The following FLI1 variants were observed in gnomAD, a reference collection of about 807,000 sequenced individuals.
The protein encoded by FLI1 is Friend leukemia integration 1 transcription factor.
In FLI1, 13 loss-of-function variants were observed where a neutral mutation model predicts 53.1. The observed-to-expected ratio is 0.24, with a 90% CI of 0.16 to 0.39. The LOEUF (loss-of-function observed/expected upper bound fraction) is 0.39. Ranked by LOEUF, FLI1 falls within the 10% of genes least tolerant of loss-of-function variation. FLI1 has a pLI of 1.00. For missense variants in FLI1, 424 were observed against 600.5 expected, an observed-to-expected ratio of 0.71 and a Z score of 3.07; for synonymous variants, 244 against 236.7, an observed-to-expected ratio of 1.03 and a Z score of -0.28.
At position 128,812,379 on chromosome 11, in the gene FLI1, G is replaced by A; in HGVS notation, c.*1391G>A. 3 of 222,948 alleles carry A rather than the reference G, an allele frequency of 1.3e-5. No homozygotes were observed. Among genetic ancestry groups the A allele is most frequent in the Non-Finnish European group, 2.7e-5 (3 of 111,550 alleles). The allele number at this position is 222,948 out of a possible 1,614,324, so 13.8% of individuals were successfully genotyped here. ...GACAACTGTCAAAGAAGACCATGTT[G>A]TAAAATAATTTGACTAAATAAATGG... On this transcript the variant is annotated 3_prime_UTR_variant, in exon 9 of 9. Coordinates refer to ENST00000527786, the MANE Select transcript of FLI1 (RefSeq NM_002017.5).
chr11:128,724,208 G>A (rs1196687074), intron 1 of FLI1, among the ~76,000 whole-genome samples: 1 of 152,168 alleles, frequency 6.6e-6, no homozygotes, highest in Non-Finnish European at 1.5e-5. Flanking sequence ...GCCTCCCAAA[G>A]TGCTGGGATT....
chr11:128,694,183 C>T lies in FLI1; in HGVS notation c.-76C>T. The T allele has an allele frequency of 2.0e-6, 3 of 1,482,064 alleles. No homozygotes were observed. The highest frequency in any genetic ancestry group is 1.3e-5 in the South Asian group (1 of 75,216). 91.8% of individuals were successfully genotyped at this position (1,482,064 alleles called of 1,614,324 possible). The stretch of plus-strand genomic sequence containing the variant: ...CCAGGGAGGCCGCGCCGGGCTAATC[C>T]GAAGGGGCTGCGAGGTCAGGCTGTA... On this transcript the variant is annotated 5_prime_UTR_variant, in exon 1 of 9. Transcript: ENST00000527786.
chr11:128,745,794 C>T (rs550275701), intron 1 of FLI1, among the ~76,000 whole-genome samples: 210 of 152,306 alleles, frequency 1.4e-3, no homozygotes, highest in African/African-American at 4.9e-3. Flanking sequence ...ATTTTGCCTT[C>T]GTCCCCCTGC....
At chr11:128,792,529 A>C (rs1157301598) in intron 5 of FLI1, among the ~76,000 whole-genome samples, 3 of 152,156 alleles carry the variant, frequency 2.0e-5, no homozygotes, top group South Asian at 2.1e-4. Flanking sequence ...TTATCAGTCA[A>C]ATTCTTTCTT....
intron 2 of FLI1, among the ~76,000 whole-genome samples, chr11:128,765,610 G>A (rs978632062): frequency 6.6e-6 from 1 of 152,234 alleles, no homozygotes; most frequent in Non-Finnish European, 1.5e-5. Flanking sequence ...CAAGGGAAGA[G>A]CGTGCAGTGT....
At chr11:128,744,779 G>T (rs1487494573) in intron 1 of FLI1, among the ~76,000 whole-genome samples, 1 of 152,188 alleles carries the variant, frequency 6.6e-6, no homozygotes, top group Non-Finnish European at 1.5e-5. Context: ...AAAGCACAAA[G>T]AAAATTATCG....
At chr11:128,754,235 A>ATGTGTGTGTGTGTG (rs57171401) in intron 1 of FLI1, among the ~76,000 whole-genome samples, 32 of 145,784 alleles carry the variant, frequency 2.2e-4, no homozygotes, top group African/African-American at 8.0e-4. Context: ...TAGAAGGGGG[A>ATGTGTGTGTGTGTG]TGTGTGTGTG....
At chr11:128,755,707 T>C (rs1167399852) in intron 1 of FLI1, among the ~76,000 whole-genome samples, 1 of 152,194 alleles carries the variant, frequency 6.6e-6, no homozygotes, top group Non-Finnish European at 1.5e-5. Flanking sequence ...CTCAAGGGCA[T>C]CTGGTAGAAA....
At chr11:128,768,458 A>T in intron 3 of FLI1, 186 bp downstream of exon 3, 1 of 642,454 alleles carries the variant, frequency 1.6e-6, no homozygotes, top group Non-Finnish European at 2.7e-6. Flanking sequence ...AAGACGGGTG[A>T]ATCACTTGTC....
rs34412702 is a variant in FLI1 at position 128,784,857 on chromosome 11, C to CTGTGTG, written c.655+2850_655+2855dup. Among the ~76,000 whole-genome samples, 146 of 150,792 alleles carry CTGTGTG rather than the reference C, an allele frequency of 9.7e-4. 1 individual carries two copies. Among genetic ancestry groups the CTGTGTG allele is most frequent in the African/African-American group, 3.3e-3 (138 of 41,200 alleles). ...CCAGAGTTCATCAAGAGCACCAGAGCTGTGTGTGTGTGTGTGTGTGTCTGT... is the reference window on the plus strand; with the variant it reads ...CCAGAGTTCATCAAGAGCACCAGAGCTGTGTGTGTGTGTGTGTGTGTGTGTGTCTGT... On this transcript the variant is annotated intron_variant, in intron 5 of 8. Transcript: ENST00000527786.
chr11:128,804,882 A>G (rs1942735084), intron 5 of FLI1: 1 of 152,372 alleles, frequency 6.6e-6, no homozygotes, highest in African/African-American at 2.4e-5. Context: ...GAGCTGCTTG[A>G]AGGATTTTGC....
In FLI1 at chr11:128,727,965, A is replaced by G. The variant is rs190226125; in HGVS notation, c.19-30150A>G. ...TCTTCTCTGTCCCACACCGGCCAGA[A>G]GTAAAGCTTCCCTCCCTGACCCACT... On this transcript the variant is annotated intron_variant, in intron 1 of 8. Transcript: ENST00000527786. Among the ~76,000 whole-genome samples, 631 of 152,346 alleles carry G rather than the reference A, an allele frequency of 4.1e-3. 2 individuals are homozygous for G. Among genetic ancestry groups the G allele is most frequent in the African/African-American group, 0.014 (597 of 41,582 alleles).
intron 1 of FLI1, among the ~76,000 whole-genome samples, chr11:128,712,226 C>T (rs1381146246): frequency 1.3e-5 from 2 of 152,184 alleles, no homozygotes; most frequent in Admixed American, 6.5e-5. Flanking sequence ...CCTTCTCTCT[C>T]TTGCTCCTGC....
intron 5 of FLI1, among the ~76,000 whole-genome samples, chr11:128,793,306 A>T (rs750107725): frequency 2.6e-4 from 40 of 152,022 alleles, no homozygotes; most frequent in Non-Finnish European, 5.1e-4. Flanking sequence ...GTCAAAATCA[A>T]CTTAAAGCAT....
chr11:128,764,355 T>C (rs904994138), intron 2 of FLI1, among the ~76,000 whole-genome samples: 11 of 152,162 alleles, frequency 7.2e-5, no homozygotes, highest in African/African-American at 2.7e-4. Flanking sequence ...GTGGTGGAAA[T>C]GAAGGACAAG....
intron 1 of FLI1, among the ~76,000 whole-genome samples, chr11:128,696,632 G>A (rs936393984): frequency 6.6e-6 from 1 of 152,178 alleles, no homozygotes; most frequent in African/African-American, 2.4e-5. Flanking sequence ...TTGCCTGTAT[G>A]TGCACTAAAT....
At chr11:128,765,769 A>T (rs576536028) in intron 2 of FLI1, among the ~76,000 whole-genome samples, 22 of 152,114 alleles carry the variant, frequency 1.4e-4, no homozygotes, top group African/African-American at 4.6e-4. Context: ...CATGTGCGTG[A>T]GTGTGTGTGT....
At chr11:128,753,072 G>A (rs1039390690) in intron 1 of FLI1, among the ~76,000 whole-genome samples, 1 of 152,326 alleles carries the variant, frequency 6.6e-6, no homozygotes, top group African/African-American at 2.4e-5. Flanking sequence ...GTACAAATGT[G>A]CTGGGGCACT....
chr11:128,740,213 C>G (rs1940074729), intron 1 of FLI1, among the ~76,000 whole-genome samples: 1 of 152,216 alleles, frequency 6.6e-6, no homozygotes, highest in Non-Finnish European at 1.5e-5. Context: ...AGAGAGAGAT[C>G]AGACCATCTC....
Sources: gnomAD v4.1 joint callset for allele counts (sites outside exome capture counted in the v4.1 genomes callset) on GRCh38, gnomAD v4.1.1 for gene constraint, MANE v1.5 for transcripts, NCBI Gene and HGNC (gene_info 2026-07-23, HGNC 2026-07-21) for gene names.